GPC5: variants seen among roughly 807,000 people sequenced by gnomAD.
GPC5 encodes glypican 5.
Under a neutral mutation model 53.9 loss-of-function variants are expected in GPC5, and 47 were observed. The observed-to-expected ratio is 0.87, with a 90% confidence interval of 0.69 to 1.11. The LOEUF is 1.11. GPC5 is among the 50% of genes most tolerant of loss of function. GPC5 has a pLI of 0.00. For synonymous variants in GPC5, 286 were observed against 263.3 expected (o/e 1.09, Z -0.84); for missense variants, 748 against 713.1 (o/e 1.05, Z -0.56).
At chr13:92,813,619 C>A in intron 7 of GPC5, among the ~76,000 whole-genome samples, 1 of 151,874 alleles carries the variant, frequency 6.6e-6, no homozygotes, top group East Asian at 1.9e-4. Flanking sequence ...ATGAAAGATG[C>A]AAAGATGGCG....
chr13:91,916,401 T>C (rs145033815), intron 6 of GPC5, among the ~76,000 whole-genome samples: 1 of 152,338 alleles, frequency 6.6e-6, no homozygotes, highest in African/African-American at 2.4e-5. Context: ...TGTTCCTCAA[T>C]TGATGACTAT....
At chr13:91,589,394 C>T (rs1245137943) in intron 2 of GPC5, among the ~76,000 whole-genome samples, 7 of 151,988 alleles carry the variant, frequency 4.6e-5, no homozygotes, top group African/African-American at 1.7e-4. Context: ...TCTGCAACTA[C>T]AAACTCAGGA....
chr13:92,649,494 T>G (rs1885885738), intron 7 of GPC5, among the ~76,000 whole-genome samples: 1 of 152,160 alleles, frequency 6.6e-6, no homozygotes, highest in African/African-American at 2.4e-5. Flanking sequence ...TCATAATGCA[T>G]AAACTGCCAA....
In GPC5 at chr13:92,068,257, T is replaced by A; in HGVS notation, c.1402-76573T>A. Among the ~76,000 whole-genome samples the A allele has an allele frequency of 1.3e-5, 2 of 151,902 alleles. 1 individual carries two copies. The highest frequency in any genetic ancestry group is 4.1e-4 in the South Asian group (2 of 4,834). On this transcript the variant is annotated intron_variant, in intron 6 of 7. Transcript: ENST00000377067. ...TATTCAAAAAGAAAAACTTTCCAGT[T>A]AATTTTATGAAATTAACAAAATATT... is the stretch of plus-strand genomic sequence containing the variant.
intron 7 of GPC5, among the ~76,000 whole-genome samples, chr13:92,554,275 T>G (rs1882418834): frequency 6.6e-6 from 1 of 151,972 alleles, no homozygotes; most frequent in South Asian, 2.1e-4. Context: ...CTTCTATCTA[T>G]AAACCACCCT....
At chr13:91,777,997 C>T (rs1237324136) in intron 5 of GPC5, among the ~76,000 whole-genome samples, 1 of 152,064 alleles carries the variant, frequency 6.6e-6, no homozygotes, top group Non-Finnish European at 1.5e-5. Flanking sequence ...ACAGCACTTC[C>T]GGAAGCTCAC....
At chr13:92,468,935 T>C (rs1308010548) in intron 7 of GPC5, among the ~76,000 whole-genome samples, 1 of 152,154 alleles carries the variant, frequency 6.6e-6, no homozygotes, top group Admixed American at 6.6e-5. Flanking sequence ...AGCCTCCTCC[T>C]TTCCCTCCAC....
intron 7 of GPC5, among the ~76,000 whole-genome samples, chr13:92,487,433 A>G (rs529863118): frequency 6.6e-6 from 1 of 152,262 alleles, no homozygotes; most frequent in Admixed American, 6.5e-5. Context: ...TTGCATTGTC[A>G]TGATTCACCA....
chr13:92,140,947 G>A (rs2041825996), intron 6 of GPC5, among the ~76,000 whole-genome samples: 2 of 152,164 alleles, frequency 1.3e-5, no homozygotes, highest in Non-Finnish European at 1.5e-5. Flanking sequence ...CAATCTGTTA[G>A]GATGAATTCC....
chr13:92,363,759 TAAC>T (rs2043587054), intron 7 of GPC5, among the ~76,000 whole-genome samples: 2 of 151,772 alleles, frequency 1.3e-5, no homozygotes. Context: ...GAACAAAGGT[TAAC>T]ATCATAGAGG....
chr13:92,094,667 CAA>C lies in GPC5; in HGVS notation c.1402-50161_1402-50160del, dbSNP rs1233478183. Among the ~76,000 whole-genome samples the C allele has an allele frequency of 2.6e-5, 4 of 151,570 alleles. No individual in the cohort carries two copies. In the East Asian group the frequency reaches 5.8e-4, roughly 22 times the overall value. ...TATATTGCTTGGCCCCCAAACATTT[CAA>C]AGTCACCTTTCCTTTTAATATACAT... On this transcript the variant is annotated intron_variant, in intron 6 of 7. Transcript: ENST00000377067.
intron 2 of GPC5, among the ~76,000 whole-genome samples, chr13:91,548,254 C>A (rs1487298578): frequency 6.6e-6 from 1 of 152,134 alleles, no homozygotes; most frequent in Non-Finnish European, 1.5e-5. Context: ...AACTAATAAT[C>A]AATTATGGCA....
At chr13:92,299,282 A>G (rs774692651) in intron 7 of GPC5, among the ~76,000 whole-genome samples, 2 of 152,176 alleles carry the variant, frequency 1.3e-5, no homozygotes, top group Non-Finnish European at 2.9e-5. Flanking sequence ...CACATGATAA[A>G]CCATATGTCA....
At position 92,526,962 on chromosome 13, in the gene GPC5, A is replaced by G. The variant is rs1217107943; in HGVS notation, c.1562-339320A>G. ...TGAGGAACAAGTGTAAGAAAGAATC[A>G]AGAGATGTGTTCACTCATGCTTGCT... On this transcript the variant is annotated intron_variant, in intron 7 of 7. Transcript: ENST00000377067. Among the ~76,000 whole-genome samples, 7 of 151,464 alleles carry G rather than the reference A, an allele frequency of 4.6e-5. No homozygotes were observed. The East Asian group carries it at 7.8e-4, about 17-fold the overall frequency.
chr13:92,064,686 G>A (rs1275993941), intron 6 of GPC5, among the ~76,000 whole-genome samples: 1 of 147,338 alleles, frequency 6.8e-6, no homozygotes, highest in East Asian at 2.0e-4. Flanking sequence ...GAACCTGGGA[G>A]GCAGAGGTTG....
intron 6 of GPC5, among the ~76,000 whole-genome samples, chr13:92,089,992 G>A (rs893241771): frequency 6.6e-6 from 1 of 152,126 alleles, no homozygotes; most frequent in Non-Finnish European, 1.5e-5. Flanking sequence ...CAGTCATTGA[G>A]TTCGTATCAT....
At chr13:92,013,908 TTTA>T (rs2040683994) in intron 6 of GPC5, among the ~76,000 whole-genome samples, 1 of 152,198 alleles carries the variant, frequency 6.6e-6, no homozygotes, top group African/African-American at 2.4e-5. Context: ...GATATATGTA[TTTA>T]TTATTTCCCA....
At chr13:91,475,635 G>A (rs555512408) in intron 2 of GPC5, among the ~76,000 whole-genome samples, 23 of 152,156 alleles carry the variant, frequency 1.5e-4, no homozygotes, top group Non-Finnish European at 2.9e-5. Context: ...CCAGGGCCTG[G>A]CTGGTGGGGA....
intron 1 of GPC5, among the ~76,000 whole-genome samples, chr13:91,441,701 G>A (rs1360664209): frequency 2.0e-5 from 3 of 152,184 alleles, no homozygotes; most frequent in South Asian, 2.1e-4. Context: ...ATAGATGAAA[G>A]ATTACTTGTG....
Sources: gnomAD v4.1 joint callset for allele counts (sites outside exome capture counted in the v4.1 genomes callset) on GRCh38, gnomAD v4.1.1 for gene constraint, MANE v1.5 for transcripts, NCBI Gene and HGNC (gene_info 2026-07-23, HGNC 2026-07-21) for gene names.